DPYD: variants seen among roughly 807,000 people sequenced by gnomAD.
DPYD encodes dihydropyrimidine dehydrogenase [NADP(+)].
Under a neutral mutation model 116.2 loss-of-function variants are expected in DPYD, and 109 were observed. The ratio of observed to expected loss-of-function variants is 0.94; its 90% CI spans 0.80 to 1.10. The LOEUF is 1.10. Ranked by LOEUF, DPYD falls within the 50% of genes least tolerant of loss-of-function variation. The probability of loss-of-function intolerance (pLI) is 0.00; values close to 1 mark genes in which losing one functional copy is unlikely to be tolerated. For missense variants in DPYD, 1,302 were observed against 1,254.5 expected (o/e 1.04, Z -0.57); for synonymous variants, 440 against 432.0 (o/e 1.02, Z -0.23).
chr1:97,238,900 C>A (rs963670591), intron 18 of DPYD, among the ~76,000 whole-genome samples: 2 of 152,168 alleles, frequency 1.3e-5, no homozygotes, highest in Admixed American at 6.5e-5. Flanking sequence ...TCAGTTACAT[C>A]AAGCCATTCT....
rs2101792810 is a variant in DPYD at position 97,450,147 on chromosome 1, G to A, written c.1817C>T (p.Ser606Phe). The change falls in exon 14 of 23, where the codon TCC becomes TTC. Residue 606 changes from serine (S) to phenylalanine (F), a missense_variant. Coordinates refer to ENST00000370192, the MANE Select transcript of DPYD (RefSeq NM_000110.4). ...SGPMYGPGQS[S>F]FLNIELISEK... Reference sequence around the variant, plus strand: ...ACTGATGAGCTCAATATTCAGAAAGGAGCTTTGTCCAGGGCCATACATGGG... The same window carrying A: ...ACTGATGAGCTCAATATTCAGAAAGAAGCTTTGTCCAGGGCCATACATGGG... 1 of 1,613,956 alleles carries A rather than the reference G, an allele frequency of 6.2e-7. No homozygotes were observed. Among genetic ancestry groups the A allele is most frequent in the South Asian group, 1.1e-5 (1 of 91,084 alleles).
At chr1:97,265,072 G>A (rs1392560548) in intron 18 of DPYD, among the ~76,000 whole-genome samples, 2 of 152,058 alleles carry the variant, frequency 1.3e-5, no homozygotes, top group Non-Finnish European at 2.9e-5. Flanking sequence ...TAGATACTGG[G>A]AATCCTCGTT....
At chr1:97,547,453 C>T (rs1185651725) in intron 12 of DPYD, among the ~76,000 whole-genome samples, 1 of 152,154 alleles carries the variant, frequency 6.6e-6, no homozygotes, top group Non-Finnish European at 1.5e-5. Flanking sequence ...GCCTGAACCA[C>T]TCACCAACTT....
At chr1:97,158,277 T>G (rs926063915) in intron 20 of DPYD, among the ~76,000 whole-genome samples, 2 of 151,986 alleles carry the variant, frequency 1.3e-5, no homozygotes, top group African/African-American at 4.8e-5. Flanking sequence ...GGATGGGAAT[T>G]TAAAAACAAC....
chr1:97,741,706 C>A (rs1664280282), intron 3 of DPYD, among the ~76,000 whole-genome samples: 1 of 152,116 alleles, frequency 6.6e-6, no homozygotes, highest in African/African-American at 2.4e-5. Flanking sequence ...GGAAAAAGAT[C>A]ACCATGGTCC....
chr1:97,543,819 A>G (rs1374033044), intron 12 of DPYD, among the ~76,000 whole-genome samples: 1 of 152,196 alleles, frequency 6.6e-6, no homozygotes, highest in Non-Finnish European at 1.5e-5. Context: ...ATACATAAAC[A>G]TGGTTCCTAG....
intron 20 of DPYD, among the ~76,000 whole-genome samples, chr1:97,117,582 G>A (rs1652078349): frequency 6.6e-6 from 1 of 152,154 alleles, no homozygotes; most frequent in Non-Finnish European, 1.5e-5. Flanking sequence ...GAAACTTTTA[G>A]TGTCGCTAGA....
chr1:97,652,206 T>C (rs1453444866), intron 8 of DPYD, among the ~76,000 whole-genome samples: 1 of 152,130 alleles, frequency 6.6e-6, no homozygotes, highest in Non-Finnish European at 1.5e-5. Flanking sequence ...AGAGTACAGA[T>C]GCTGCAAAAG....
intron 14 of DPYD, among the ~76,000 whole-genome samples, chr1:97,444,978 G>A (rs1050719532): frequency 2.0e-5 from 3 of 152,110 alleles, no homozygotes; most frequent in African/African-American, 7.2e-5. Flanking sequence ...AATTATAAAG[G>A]AGACCTAACG....
At chr1:97,562,450 G>T (rs2102138585) in intron 11 of DPYD, among the ~76,000 whole-genome samples, 1 of 152,206 alleles carries the variant, frequency 6.6e-6, no homozygotes, top group East Asian at 1.9e-4. Flanking sequence ...AAAATGGTCA[G>T]GTAAGTCTTG....
chr1:97,820,850 T>A (rs1162163827), intron 3 of DPYD, among the ~76,000 whole-genome samples: 1 of 152,228 alleles, frequency 6.6e-6, no homozygotes, highest in Non-Finnish European at 1.5e-5. Flanking sequence ...AGAGATATAC[T>A]CATAAATCTA....
rs943731400 is a variant in DPYD at position 97,498,747 on chromosome 1, A to G, written c.1740+16979T>C. ...ATACAATGTGGAAAGATTAAATTAA[A>G]CCATTTAACATATCACCTCAAACAT... On this transcript the variant is annotated intron_variant, in intron 13 of 22. Coordinates refer to ENST00000370192, the MANE Select transcript of DPYD (RefSeq NM_000110.4). Among the ~76,000 whole-genome samples, 11 of 151,808 alleles carry G rather than the reference A, an allele frequency of 7.2e-5. No homozygotes were observed. The South Asian group carries it at 8.3e-4, about 11-fold the overall frequency.
chr1:97,529,712 CTTCCT>C, intron 12 of DPYD, among the ~76,000 whole-genome samples: 1 of 144,004 alleles, frequency 6.9e-6, no homozygotes, highest in South Asian at 2.2e-4. Context: ...TTTTTTCTTT[CTTCCT>C]TTCTTTTCTT....
intron 5 of DPYD, chr1:97,720,197 C>A (rs974573740): frequency 1.0e-6 from 1 of 985,236 alleles, no homozygotes; most frequent in South Asian, 4.7e-5. Context: ...CAAACACACA[C>A]ACCTCTCATG....
intron 20 of DPYD, among the ~76,000 whole-genome samples, chr1:97,149,694 A>G (rs4390222): frequency 0.18 from 27,160 of 152,168 alleles, 2,476 homozygotes; most frequent in East Asian, 0.29. Context: ...TTTAAAAATT[A>G]TTATGAATTT....
At chr1:97,323,751 A>T (rs1051300284) in intron 16 of DPYD, among the ~76,000 whole-genome samples, 1 of 149,288 alleles carries the variant, frequency 6.7e-6, no homozygotes, top group East Asian at 2.0e-4. Flanking sequence ...TAATATATTT[A>T]AAAACAAATC....
intron 19 of DPYD, among the ~76,000 whole-genome samples, chr1:97,226,261 A>G (rs755319780): frequency 1.3e-5 from 2 of 152,178 alleles, no homozygotes; most frequent in Non-Finnish European, 2.9e-5. Flanking sequence ...GCCATATATC[A>G]CAAGCATGCA....
intron 16 of DPYD, among the ~76,000 whole-genome samples, chr1:97,336,884 G>A (rs1253303345): frequency 6.6e-6 from 1 of 152,064 alleles, no homozygotes; most frequent in African/African-American, 2.4e-5. Context: ...CACAGAGATG[G>A]GATTGAATGG....
intron 6 of DPYD, 54 bp downstream of exon 6, chr1:97,699,297 T>A (rs1571210489): frequency 6.5e-7 from 1 of 1,542,186 alleles, no homozygotes; most frequent in East Asian, 2.2e-5. Flanking sequence ...TATTCATAAT[T>A]GTTTTGCTCC....
Sources: allele counts gnomAD v4.1 joint callset (sites outside exome capture counted in the v4.1 genomes callset), GRCh38; gene constraint gnomAD v4.1.1; transcripts MANE v1.5; gene names NCBI Gene and HGNC (gene_info 2026-07-23, HGNC 2026-07-21).